The following PALLD variants were observed in gnomAD, a reference collection of about 807,000 sequenced individuals.
The protein encoded by PALLD is palladin, cytoskeletal associated protein, also known as palladin.
In PALLD, 61 loss-of-function variants were observed where a neutral mutation model predicts 123.5. That is an observed-to-expected ratio of 0.49 (90% CI 0.40 to 0.61). PALLD has a LOEUF of 0.61. Ranked by LOEUF, PALLD falls within the 20% of genes least tolerant of loss-of-function variation. PALLD has a pLI of 0.00. For missense variants in PALLD, 1,273 were observed against 1,377.0 expected, an observed-to-expected ratio of 0.92 and a Z score of 1.20; for synonymous variants, 465 against 496.4, an observed-to-expected ratio of 0.94 and a Z score of 0.84.
intron 2 of PALLD, among the ~76,000 whole-genome samples, chr4:168,664,903 G>A (rs1779484506): frequency 6.6e-6 from 1 of 152,154 alleles, no homozygotes; most frequent in African/African-American, 2.4e-5. Context: ...TTGCTCAATG[G>A]AACTAGCAAT....
At chr4:168,639,500 C>G (rs1031339353) in intron 2 of PALLD, among the ~76,000 whole-genome samples, 6 of 152,032 alleles carry the variant, frequency 3.9e-5, no homozygotes, top group African/African-American at 1.4e-4. Flanking sequence ...TTACTTAAAC[C>G]TGTTCACTCC....
Position 168,656,553 on chromosome 4 carries a change from TG to T in PALLD, c.909-11636del, listed in dbSNP as rs1356858528. ...TAGTGCCAAAACGACATTTTTTAGT[TG>T]CTCTTGCAATGAGCTGTAAGTAGGA... is the stretch of plus-strand genomic sequence containing the variant. On this transcript the variant is annotated intron_variant, in intron 2 of 21. Transcript: ENST00000505667. Among the ~76,000 whole-genome samples, 3 of 152,188 alleles carry T rather than the reference TG, an allele frequency of 2.0e-5. No individual in the cohort carries two copies. The East Asian group carries it at 5.8e-4, about 29-fold the overall frequency.
Position 168,708,897 on chromosome 4 carries a change from A to G in PALLD, c.1502-131A>G. 7.0e-6 allele frequency: 6 copies of G among 853,986 alleles called. No homozygotes were observed. The Admixed American group carries it at 1.1e-4, about 16-fold the overall frequency. The allele number at this position is 853,986 out of a possible 1,614,324, so 52.9% of individuals were successfully genotyped here. ...TAAATGTAAAGAGATTCTATTGTAAACACTTTTGTAAAGTGAATCTGTAAT... is the reference window on the plus strand; with the variant it reads ...TAAATGTAAAGAGATTCTATTGTAAGCACTTTTGTAAAGTGAATCTGTAAT... On this transcript the variant is annotated intron_variant, in intron 8 of 21. Transcript: ENST00000505667.
chr4:168,665,393 C>T (rs1314332622), intron 2 of PALLD, among the ~76,000 whole-genome samples: 2 of 152,266 alleles, frequency 1.3e-5, no homozygotes, highest in East Asian at 1.9e-4. Flanking sequence ...TTTTCAGTGT[C>T]TCTGCTGCTT....
At chr4:168,742,696 G>A (rs985583179) in intron 10 of PALLD, among the ~76,000 whole-genome samples, 1 of 152,102 alleles carries the variant, frequency 6.6e-6, no homozygotes, top group Non-Finnish European at 1.5e-5. Context: ...AAAAGATCTA[G>A]TTCGTTTCAC....
chr4:168,854,144 C>CA (rs1748224256), intron 10 of PALLD, among the ~76,000 whole-genome samples: 1 of 147,976 alleles, frequency 6.8e-6, no homozygotes, highest in African/African-American at 2.5e-5. Flanking sequence ...CTACTACTGC[C>CA]TCTGTTTACT....
At chr4:168,760,484 T>C (rs898216170) in intron 10 of PALLD, among the ~76,000 whole-genome samples, 3 of 152,164 alleles carry the variant, frequency 2.0e-5, no homozygotes, top group African/African-American at 7.2e-5. Context: ...ATGATCTCTT[T>C]CATCTCTTCT....
intron 11 of PALLD, among the ~76,000 whole-genome samples, chr4:168,893,739 C>T (rs144129647): frequency 2.6e-5 from 4 of 152,130 alleles, no homozygotes; most frequent in African/African-American, 9.7e-5. Context: ...AACAGTCACA[C>T]AAAAATGCCG....
intron 1 of PALLD, among the ~76,000 whole-genome samples, chr4:168,501,463 C>A (rs1761393414): frequency 6.6e-6 from 1 of 152,058 alleles, no homozygotes; most frequent in Non-Finnish European, 1.5e-5. Context: ...CAAAATAGGT[C>A]ACCGTGGACA....
In PALLD at chr4:168,921,699, C is replaced by A. The variant is rs1304987799; in HGVS notation, c.3016C>A (p.Arg1006=). 2.5e-6 allele frequency: 4 copies of A among 1,611,522 alleles called. No homozygotes were observed. Among genetic ancestry groups the A allele is most frequent in the Non-Finnish European group, 3.4e-6 (4 of 1,179,790 alleles). Residue 1006 remains arginine, a synonymous_variant, in exon 18 of 22, where the codon CGA becomes AGA. Coordinates refer to ENST00000505667, the MANE Select transcript of PALLD (RefSeq NM_001166108.2). ...AGIYTCIATN[R]AGQNSFSLEL... The stretch of plus-strand genomic sequence containing the variant: ...CATCTACACATGTATAGCTACCAAC[C>A]GAGCAGGACAGAACTCATTCAGCCT...
chr4:168,506,389 C>T (rs1176009829), intron 1 of PALLD, among the ~76,000 whole-genome samples: 2 of 151,948 alleles, frequency 1.3e-5, no homozygotes, highest in Non-Finnish European at 2.9e-5. Flanking sequence ...CTCCCTTTCT[C>T]TCTTACCGCC....
At chr4:168,882,188 A>T (rs1277543355) in intron 10 of PALLD, among the ~76,000 whole-genome samples, 3 of 152,228 alleles carry the variant, frequency 2.0e-5, no homozygotes, top group African/African-American at 7.2e-5. Flanking sequence ...ATAGGCCCAC[A>T]GCTCCTTATG....
At chr4:168,812,283 G>A (rs1477090742) in intron 10 of PALLD, among the ~76,000 whole-genome samples, 3 of 152,074 alleles carry the variant, frequency 2.0e-5, no homozygotes, top group Non-Finnish European at 2.9e-5. Context: ...TTAGAAATAC[G>A]GCAGTACAGA....
rs12504483 is a variant in PALLD at position 168,511,147 on chromosome 4, C to G, written c.-82-276C>G. Among the ~76,000 whole-genome samples the G allele has an allele frequency of 4.3e-3, 650 of 152,242 alleles. 13 individuals carry two copies. The highest frequency in any genetic ancestry group is 0.019 in the Admixed American group (292 of 15,288). ...TTGAGTAAGGTGGGCGGGGGGCTGA[C>G]TGTGAGCCCTATCCTACTAATAGTG... On this transcript the variant is annotated intron_variant, in intron 1 of 21. Coordinates refer to ENST00000505667, the MANE Select transcript of PALLD (RefSeq NM_001166108.2).
intron 10 of PALLD, chr4:168,833,065 G>T (rs538503719): frequency 6.6e-6 from 1 of 152,582 alleles, no homozygotes; most frequent in African/African-American, 2.4e-5. Flanking sequence ...CAGGGCTCTA[G>T]GCCGGCCCCG....
chr4:168,789,634 G>T (rs1737219158), intron 10 of PALLD, among the ~76,000 whole-genome samples: 3 of 151,236 alleles, frequency 2.0e-5, no homozygotes, highest in Admixed American at 6.6e-5. Flanking sequence ...GAACCAGGAG[G>T]CAGAGGTTGC....
chr4:168,833,508 C>T (rs1744647043), intron 10 of PALLD, among the ~76,000 whole-genome samples: 1 of 152,136 alleles, frequency 6.6e-6, no homozygotes, highest in Admixed American at 6.5e-5. Context: ...GCTTCAGAGA[C>T]ATGGAATAAT....
chr4:168,686,654 G>A (rs531453888), intron 6 of PALLD: 2 of 152,384 alleles, frequency 1.3e-5, no homozygotes, highest in African/African-American at 4.8e-5. Context: ...CTTGTGCAGA[G>A]GTCATGCTAA....
At chr4:168,509,312 G>A (rs1470514798) in intron 1 of PALLD, among the ~76,000 whole-genome samples, 1 of 151,992 alleles carries the variant, frequency 6.6e-6, no homozygotes, top group Non-Finnish European at 1.5e-5. Flanking sequence ...TTGCCTACAT[G>A]TGTCTCATCT....
Sources: allele counts gnomAD v4.1 joint callset (sites outside exome capture counted in the v4.1 genomes callset), GRCh38; gene constraint gnomAD v4.1.1; transcripts MANE v1.5; gene names NCBI Gene and HGNC (gene_info 2026-07-23, HGNC 2026-07-21).